The following FURIN variants were observed in gnomAD, a reference collection of about 807,000 sequenced individuals.
FURIN encodes the protein FES upstream region.
FURIN carries 18 observed loss-of-function variants against 89.2 expected under a neutral mutation model. The ratio of observed to expected loss-of-function variants is 0.20; its 90% CI spans 0.14 to 0.30. The LOEUF (loss-of-function observed/expected upper bound fraction) is 0.30, where lower values mean the gene tolerates loss of function less well. Among genes scored for constraint, FURIN ranks in the 10% least tolerant of loss-of-function variants. The pLI, the probability that FURIN is intolerant of heterozygous loss-of-function variation, is 1.00. For synonymous variants in FURIN, 508 were observed against 466.4 expected, an observed-to-expected ratio of 1.09 and a Z score of -1.15; for missense variants, 879 against 1,100.5, an observed-to-expected ratio of 0.80 and a Z score of 2.85.
chr15:90,875,936 G>C lies in FURIN; in HGVS notation c.177+19G>C. The C allele has an allele frequency of 6.4e-7, 1 of 1,552,080 alleles. No individual in the cohort carries two copies. Among genetic ancestry groups the C allele is most frequent in the African/African-American group, 1.3e-5 (1 of 74,238 alleles). ...GGGCCAGGTAGGTGTTCCCCCACAG[G>C]ACACTGCCAGGGGGTGGGACCAGAG... is the stretch of plus-strand genomic sequence containing the variant. On this transcript the variant is annotated intron_variant, in intron 2 of 15. Transcript: ENST00000268171.
chr15:90,880,718 T>G lies in FURIN; in HGVS notation c.1584T>G (p.Phe528Leu). 6.2e-7 allele frequency: 1 copy of G among 1,614,014 alleles called. No individual in the cohort carries two copies. The highest frequency in any genetic ancestry group is 8.5e-7 in the Non-Finnish European group (1 of 1,179,956). ...CACATGACTACTCCGCAGATGGGTT[T>G]AATGACTGGGCCTTCATGACAACTC... Reference protein sequence around the residue: ...ARPHDYSADGFNDWAFMTTHS... With the variant: ...ARPHDYSADGLNDWAFMTTHS... The change falls in exon 14 of 16, where the codon TTT (phenylalanine) becomes TTG (leucine). Residue 528 changes from phenylalanine (F) to leucine (L), a missense_variant. Physicochemically the swap from Phe to Leu is conservative, Grantham distance 22. Coordinates refer to ENST00000268171, the MANE Select transcript of FURIN (RefSeq NM_002569.4).
At chr15:90,870,670 A>G (rs1052233920) in intron 1 of FURIN, among the ~76,000 whole-genome samples, 2 of 152,206 alleles carry the variant, frequency 1.3e-5, no homozygotes, top group Non-Finnish European at 2.9e-5. Flanking sequence ...TCAGCCAAGT[A>G]GCACAAACGT....
intron 6 of FURIN, 100 bp from the exon 7 acceptor site, chr15:90,877,427 G>A (rs1596076790): frequency 5.1e-6 from 5 of 989,838 alleles, no homozygotes; most frequent in Non-Finnish European, 1.5e-6. Flanking sequence ...AGGGGATGAT[G>A]GGTGTCGGAT....
chr15:90,876,698 C>T lies in FURIN; in HGVS notation c.372+141C>T. 1.2e-6 allele frequency: 1 copy of T among 814,840 alleles called. No homozygotes were observed. 50.5% of individuals were successfully genotyped at this position (814,840 alleles called of 1,614,324 possible). A position where few individuals can be genotyped will look rare whatever the true frequency, so the allele number is the denominator to read the frequency against. ...CCTGCTGGGCAGTCTCTCCTTGGCC[C>T]ATCCTAATAAGCAAGCCTGGGGGTG... On this transcript the variant is annotated intron_variant, in intron 4 of 15. Coordinates refer to ENST00000268171, the MANE Select transcript of FURIN (RefSeq NM_002569.4). This position sits in a 1 kb window ranked among gnomAD's most constrained non-coding sequence, Gnocchi z 5.0.
chr15:90,881,368 G>T lies in FURIN; in HGVS notation c.1875G>T (p.Thr625=). The T allele has an allele frequency of 1.9e-6, 3 of 1,612,882 alleles. No individual in the cohort carries two copies. The highest frequency in any genetic ancestry group is 2.5e-6 in the Non-Finnish European group (3 of 1,179,860). Residue 625 remains threonine (T), a synonymous_variant, in exon 16 of 16, where the codon ACG becomes ACT. Transcript: ENST00000268171. The surrounding 1 kb of genome is among the most constrained non-coding windows in gnomAD (Gnocchi z 4.3). ...PPGFAPQVLD[T]HYSTENDVET... The stretch of plus-strand genomic sequence containing the variant: ...GGTTCGCCCCCCAAGTCCTCGATAC[G>T]CACTATAGCACCGAGAATGACGTGG...
Position 90,883,399 on chromosome 15 carries a change from G to A in FURIN, c.*1521G>A, listed in dbSNP as rs1309928670. On this transcript the variant is annotated 3_prime_UTR_variant, in exon 16 of 16. Transcript: ENST00000268171. ...CCCAGCATTGCTGGTTCTATTTAAT[G>A]GACATGAGATAATGTTAGAGGTTTT... is the stretch of plus-strand genomic sequence containing the variant. 5 of 152,694 alleles carry A rather than the reference G, an allele frequency of 3.3e-5. No individual in the cohort carries two copies. The highest frequency in any genetic ancestry group is 1.2e-4 in the African/African-American group (5 of 41,462). The allele number at this position is 152,694 out of a possible 1,614,324, so 9.5% of individuals were successfully genotyped here. A position where few individuals can be genotyped will look rare whatever the true frequency, so the allele number is the denominator to read the frequency against.
At chr15:90,878,332 C>T (rs1463881919) in intron 8 of FURIN, 28 bp downstream of exon 8, 12 of 1,536,840 alleles carry the variant, frequency 7.8e-6, no homozygotes, top group Admixed American at 1.9e-5. Flanking sequence ...CCAGCCCCTG[C>T]GGGCAGGTTG....
chr15:90,874,141 T>C (rs2031473531), intron 1 of FURIN, among the ~76,000 whole-genome samples: 1 of 152,190 alleles, frequency 6.6e-6, no homozygotes. Context: ...GGACCTCCCC[T>C]AGCTTCCCCC....
chr15:90,870,208 T>G (rs2031223152), intron 1 of FURIN, among the ~76,000 whole-genome samples: 1 of 152,218 alleles, frequency 6.6e-6, no homozygotes, highest in Non-Finnish European at 1.5e-5. Context: ...TTAACTTGTC[T>G]AAGGTGTCCC....
chr15:90,875,825 G>A lies in FURIN; in HGVS notation c.85G>A (p.Val29Ile), dbSNP rs1408486614. ...LLAADAQGQK[V>I]FTNTWAVRIP... ...AGCAGCTGATGCTCAGGGCCAGAAG[G>A]TCTTCACCAACACGTGGGCTGTGCG... The change falls in exon 2 of 16, where the codon GTC (valine) becomes ATC (isoleucine). Residue 29 changes from valine to isoleucine, a missense_variant. Transcript: ENST00000268171. 2 of 1,570,276 alleles carry A rather than the reference G, an allele frequency of 1.3e-6. No homozygotes were observed. The highest frequency in any genetic ancestry group is 1.3e-5 in the African/African-American group (1 of 74,504).
chr15:90,881,910 C>T lies in FURIN; in HGVS notation c.*32C>T, dbSNP rs2032004778. 1 of 1,444,086 alleles carries T rather than the reference C, an allele frequency of 6.9e-7. No homozygotes were observed. Among genetic ancestry groups the T allele is most frequent in the Non-Finnish European group, 9.6e-7 (1 of 1,044,700 alleles). The allele number at this position is 1,444,086 out of a possible 1,614,324, so 89.5% of individuals were successfully genotyped here. ...CACTGCCCACCCCCTCAAGCCAATC[C>T]CCTCCTTGGGCACTTTTTAATTCAC... On this transcript the variant is annotated 3_prime_UTR_variant, in exon 16 of 16. Coordinates refer to ENST00000268171, the MANE Select transcript of FURIN (RefSeq NM_002569.4). This position sits in a 1 kb window ranked among gnomAD's most constrained non-coding sequence, Gnocchi z 4.3.
rs374837266 is a variant in FURIN at position 90,878,120 on chromosome 15, C to CT, written c.668-10dup. 6.2e-7 allele frequency: 1 copy of CT among 1,613,572 alleles called. No homozygotes were observed. Among genetic ancestry groups the CT allele is most frequent in the East Asian group, 2.2e-5 (1 of 44,884 alleles). On this transcript the variant is annotated splice_polypyrimidine_tract_variant and intron_variant, in intron 7 of 15. Transcript: ENST00000268171. ...TGCAGCATCCCTCTTCGTGCCCCCCCTTCACGGCCAGGGGTGCGCATGCTG... is the reference window on the plus strand; with the variant it reads ...TGCAGCATCCCTCTTCGTGCCCCCCCTTTCACGGCCAGGGGTGCGCATGCTG...
rs2031933164 is a variant in FURIN at position 90,881,016 on chromosome 15, C to G, written c.1768C>G (p.Leu590Val). 3.7e-6 allele frequency: 6 copies of G among 1,613,708 alleles called. No homozygotes were observed. The highest frequency in any genetic ancestry group is 5.1e-6 in the Non-Finnish European group (6 of 1,179,586). Residue 590 changes from leucine (L) to valine (V), a missense_variant, in exon 15 of 16, where the codon CTC (leucine) becomes GTC (valine). Around this residue, in one of 5 missense-constraint regions of FURIN, gnomAD observed 457 missense variants for 490.7 expected, o/e 0.93. Transcript: ENST00000268171. The surrounding 1 kb of genome is among the most constrained non-coding windows in gnomAD (Gnocchi z 4.3). Reference protein sequence around the residue: ...VPPESSGCKTLTSSQACVVCE... With the variant: ...VPPESSGCKTVTSSQACVVCE... ...TCCAGAAAGCAGTGGCTGCAAGACC[C>G]TCACGTCCAGTCAGGCCTGTGTGGG... is the stretch of plus-strand genomic sequence containing the variant.
At chr15:90,879,629 C>CA (rs759649330) in intron 10 of FURIN, 42 bp from the exon 11 acceptor site, 7 of 1,586,314 alleles carry the variant, frequency 4.4e-6, no homozygotes, top group Admixed American at 1.7e-5. Context: ...GAGCTGCTCC[C>CA]AAAAAAGACT....
chr15:90,878,766 C>T lies in FURIN; in HGVS notation c.843C>T (p.Gly281=), dbSNP rs1407415892. 1 of 1,591,844 alleles carries T rather than the reference C, an allele frequency of 6.3e-7. No homozygotes were observed. Residue 281 remains glycine (G), a splice_region_variant and synonymous_variant, in exon 9 of 16, where the codon GGC becomes GGT. Transcript: ENST00000268171. The part of the protein sequence containing the change: ...EEAFFRGVSQ[G]RGGLGSIFVW... The stretch of plus-strand genomic sequence containing the variant: ...ACCCCAGCCCACTCTGTCCACAGGG[C>T]CGAGGGGGGCTGGGCTCCATCTTTG...
intron 8 of FURIN, among the ~76,000 whole-genome samples, 154 bp from the exon 9 acceptor site, chr15:90,878,610 A>G (rs1304476478): frequency 6.6e-6 from 1 of 152,082 alleles, no homozygotes; most frequent in Non-Finnish European, 1.5e-5. Flanking sequence ...AGATAGACAT[A>G]TTTGGATACA....
rs555058657 is a variant in FURIN at position 90,877,602 on chromosome 15, C to T, written c.654C>T (p.Asn218=). The change falls in exon 7 of 16, where the codon AAC becomes AAT. Residue 218 remains asparagine (N), a synonymous_variant. Transcript: ENST00000268171. The stretch of plus-strand genomic sequence containing the variant: ...TCTGTGGTGTAGGTGTGGCCTACAA[C>T]GCCCGCATTGGAGGTGAGTGTGGGC... ...NGVCGVGVAY[N]ARIGGVRMLD... 1.0e-4 allele frequency: 159 copies of T among 1,568,014 alleles called. 1 individual carries two copies. The South Asian group carries it at 1.5e-3, about 15-fold the overall frequency.
At position 90,880,920 on chromosome 15, in the gene FURIN, T is replaced by A; in HGVS notation, c.1682-10T>A. 6.2e-7 allele frequency: 1 copy of A among 1,613,250 alleles called. No individual in the cohort carries two copies. The highest frequency in any genetic ancestry group is 8.5e-7 in the Non-Finnish European group (1 of 1,179,206). ...GTCTTAACTCTTGCCTCCTCCCCGC[T>A]CTGGAACAGGGACGCTGACCAAGTT... is the stretch of plus-strand genomic sequence containing the variant. On this transcript the variant is annotated splice_polypyrimidine_tract_variant and intron_variant, in intron 14 of 15. Transcript: ENST00000268171.
In FURIN at chr15:90,875,869, G is replaced by A. The variant is rs141410539; in HGVS notation, c.129G>A (p.Ala43=). The A allele has an allele frequency of 3.7e-4, 592 of 1,587,936 alleles. 2 individuals carry two copies. Among genetic ancestry groups the A allele is most frequent in the Non-Finnish European group, 4.8e-4 (562 of 1,168,170 alleles). ...CTGTGCGCATCCCTGGAGGCCCAGC[G>A]GTGGCCAACAGTGTGGCACGGAAGC... ...TWAVRIPGGP[A]VANSVARKHG... is the part of the protein sequence containing the mutation. Residue 43 remains alanine (A), a synonymous_variant, in exon 2 of 16, where the codon GCG becomes GCA. Transcript: ENST00000268171.
Sources: gnomAD v4.1 joint callset for allele counts (sites outside exome capture counted in the v4.1 genomes callset) on GRCh38, gnomAD v4.1.1 for gene constraint, gnomAD v4.1.1 regional missense constraint, Gnocchi (gnomAD v3.1) non-coding constraint, MANE v1.5 for transcripts, NCBI Gene and HGNC (gene_info 2026-07-23, HGNC 2026-07-21) for gene names.